Variants in INTS9 observed in about 807,000 individuals in gnomAD.
The protein encoded by INTS9 is integrator complex subunit 9, also known as protein related to CPSF subunits of 74 kDa.
INTS9 carries 55 observed loss-of-function variants against 79.7 expected under a neutral mutation model. The ratio of observed to expected loss-of-function variants is 0.69; its 90% CI spans 0.56 to 0.86. The LOEUF is 0.86. INTS9 is among the 40% of genes least tolerant of loss of function. The pLI, the probability that INTS9 is intolerant of heterozygous loss-of-function variation, is 0.00. For missense variants in INTS9, 721 were observed against 831.5 expected, an observed-to-expected ratio of 0.87 and a Z score of 1.64; for synonymous variants, 319 against 325.2, an observed-to-expected ratio of 0.98 and a Z score of 0.20.
At chr8:28,783,682 TTCA>T (rs1803428331) in intron 11 of INTS9, 1 of 152,206 alleles carries the variant, frequency 6.6e-6, no homozygotes, top group Non-Finnish European at 1.5e-5. Context: ...CCTGGAGATC[TTCA>T]TCAGCTGTCG....
At chr8:28,830,810 A>C (rs1193223140) in intron 6 of INTS9, among the ~76,000 whole-genome samples, 4 of 152,140 alleles carry the variant, frequency 2.6e-5, no homozygotes, top group African/African-American at 9.7e-5. Context: ...CTCATGCTCA[A>C]AAATCAAAAC....
intron 1 of INTS9, among the ~76,000 whole-genome samples, chr8:28,869,374 C>G (rs1808944660): frequency 1.3e-5 from 2 of 152,232 alleles, no homozygotes; most frequent in South Asian, 4.2e-4. Flanking sequence ...ACAAGGAACC[C>G]TGTTCTTCCA....
chr8:28,846,669 TA>T, intron 4 of INTS9, 77 bp downstream of exon 4: 1 of 1,119,580 alleles, frequency 8.9e-7, no homozygotes, highest in Non-Finnish European at 1.4e-6. Context: ...CTAAGCCTCT[TA>T]AAATTATTTC....
In INTS9 at chr8:28,849,663, G is replaced by A. The variant is rs140501959; in HGVS notation, c.198+550C>T. ...AAGTCAAACACTCTGCTCCTGGACC[G>A]TTCCCCACACAGTGGCCAGAGTGAT... On this transcript the variant is annotated intron_variant, in intron 3 of 16. Coordinates refer to ENST00000521022, the MANE Select transcript of INTS9 (RefSeq NM_018250.4). Among the ~76,000 whole-genome samples the A allele has an allele frequency of 6.4e-3, 978 of 152,154 alleles. 9 individuals are homozygous for A. Among genetic ancestry groups the A allele is most frequent in the African/African-American group, 0.022 (908 of 41,498 alleles).
In INTS9 at chr8:28,787,971, T is replaced by C. The variant is rs74507853; in HGVS notation, c.1038-82A>G. ...TGCCACCTAGTGGCAGCAGTGCAAA[T>C]ATTAAATACTGAAGTTTATTTAAAA... On this transcript the variant is annotated intron_variant, in intron 10 of 16. Transcript: ENST00000521022. 3,125 of 818,992 alleles carry C rather than the reference T, an allele frequency of 3.8e-3. 70 individuals are homozygous for C. In the African/African-American group the frequency reaches 0.047, roughly 12 times the overall value. The allele number at this position is 818,992 out of a possible 1,614,324, so 50.7% of individuals were successfully genotyped here. A position where few individuals can be genotyped will look rare whatever the true frequency, so the allele number is the denominator to read the frequency against.
At chr8:28,797,967 AT>A (rs1804317282) in intron 8 of INTS9, among the ~76,000 whole-genome samples, 1 of 152,256 alleles carries the variant, frequency 6.6e-6, no homozygotes, top group South Asian at 2.1e-4. Context: ...GCATGGATAC[AT>A]GAGCTTCATT....
intron 6 of INTS9, among the ~76,000 whole-genome samples, chr8:28,816,427 GT>G: frequency 6.6e-6 from 1 of 151,310 alleles, no homozygotes; most frequent in South Asian, 2.1e-4. Context: ...TCTTGCGATA[GT>G]TTACTGTGAA....
chr8:28,873,101 T>TA (rs568761167), intron 1 of INTS9, among the ~76,000 whole-genome samples: 5 of 152,140 alleles, frequency 3.3e-5, no homozygotes, highest in African/African-American at 7.2e-5. Context: ...AAAAATGTGT[T>TA]AAAAAAATAG....
chr8:28,768,073 ACTC>A lies in INTS9; in HGVS notation c.*70_*72del. 7.1e-7 allele frequency: 1 copy of A among 1,404,456 alleles called. No individual in the cohort carries two copies. The allele number at this position is 1,404,456 out of a possible 1,614,324, so 87.0% of individuals were successfully genotyped here. On this transcript the variant is annotated 3_prime_UTR_variant, in exon 17 of 17. Transcript: ENST00000521022. ...GACACAGTTAATGGCCTCTCATGCC[ACTC>A]CTCAGGTGGCTTGTGAGGGCAGCCA...
chr8:28,863,150 A>G (rs1016743488), intron 1 of INTS9, among the ~76,000 whole-genome samples: 1 of 152,134 alleles, frequency 6.6e-6, no homozygotes, highest in African/African-American at 2.4e-5. Context: ...ACATCTTTAC[A>G]TGTGTATCCC....
chr8:28,778,998 T>A (rs1585336007), intron 12 of INTS9, among the ~76,000 whole-genome samples: 1 of 152,298 alleles, frequency 6.6e-6, no homozygotes, highest in South Asian at 2.1e-4. Context: ...TGCAAACCCA[T>A]TACCCAGAGT....
intron 1 of INTS9, among the ~76,000 whole-genome samples, chr8:28,861,621 AACAG>A (rs1281915211): frequency 1.3e-5 from 2 of 152,202 alleles, no homozygotes; most frequent in Non-Finnish European, 2.9e-5. Context: ...ATTAAAACAA[AACAG>A]ACAATTTAGC....
chr8:28,770,132 A>C (rs1585316809), intron 15 of INTS9, 106 bp from the exon 16 acceptor site: 1 of 1,400,734 alleles, frequency 7.1e-7, no homozygotes, highest in East Asian at 2.4e-5. Flanking sequence ...CAGGCCACAG[A>C]GCCCCGGCCC....
In INTS9 at chr8:28,835,455, G is replaced by C. The variant is rs549334298; in HGVS notation, c.402-77C>G. On this transcript the variant is annotated intron_variant, in intron 5 of 16. Transcript: ENST00000521022. ...ACCCCATACTCTAACAGTTGGCCAG[G>C]AGAAATGACTTGCCCACCTCCCCCT... is the stretch of plus-strand genomic sequence containing the variant. The C allele has an allele frequency of 7.6e-5, 66 of 865,212 alleles. 2 individuals are homozygous for C. In the South Asian group the frequency reaches 1.4e-3, roughly 18 times the overall value. 53.6% of individuals were successfully genotyped at this position (865,212 alleles called of 1,614,324 possible).
chr8:28,864,366 C>T (rs1240803504), intron 1 of INTS9, among the ~76,000 whole-genome samples: 1 of 152,104 alleles, frequency 6.6e-6, no homozygotes, highest in Non-Finnish European at 1.5e-5. Flanking sequence ...AACACCATCA[C>T]TGAAGGAGGT....
intron 12 of INTS9, 40 bp downstream of exon 12, chr8:28,780,783 G>A: frequency 6.2e-7 from 1 of 1,606,726 alleles, no homozygotes; most frequent in South Asian, 1.1e-5. Context: ...CATGGCCTCA[G>A]TGGAGAGAAC....
intron 13 of INTS9, 93 bp downstream of exon 13, chr8:28,777,736 C>A (rs1048967066): frequency 4.3e-6 from 6 of 1,387,554 alleles, no homozygotes; most frequent in Non-Finnish European, 5.7e-6. Context: ...AAGAATCAAA[C>A]ACAGCTAGAT....
At chr8:28,774,174 T>C (rs561505496) in intron 14 of INTS9, among the ~76,000 whole-genome samples, 2 of 152,302 alleles carry the variant, frequency 1.3e-5, no homozygotes, top group South Asian at 4.1e-4. Context: ...GTGTATGAGG[T>C]GTGATTCCAG....
intron 6 of INTS9, among the ~76,000 whole-genome samples, chr8:28,832,218 G>A (rs1236971419): frequency 6.6e-6 from 1 of 152,142 alleles, no homozygotes; most frequent in African/African-American, 2.4e-5. Context: ...AGAAAAGAAG[G>A]GAGGTATCAG....
Sources: gnomAD v4.1 joint callset for allele counts (sites outside exome capture counted in the v4.1 genomes callset) on GRCh38, gnomAD v4.1.1 for gene constraint, MANE v1.5 for transcripts, NCBI Gene and HGNC (gene_info 2026-07-23, HGNC 2026-07-21) for gene names.